The following PTPRD variants were observed in gnomAD, a reference collection of about 807,000 sequenced individuals.
PTPRD encodes receptor-type tyrosine-protein phosphatase delta.
PTPRD carries 34 observed loss-of-function variants against 214.5 expected under a neutral mutation model. The observed-to-expected ratio is 0.16, with a 90% CI of 0.12 to 0.21. The LOEUF (loss-of-function observed/expected upper bound fraction) is 0.21. Among genes scored for constraint, PTPRD ranks in the 10% least tolerant of loss-of-function variants. The pLI is 1.00. For missense variants in PTPRD, 2,545 were observed against 2,398.7 expected (o/e 1.06, Z -1.27); for synonymous variants, 1,128 against 845.7 (o/e 1.33, Z -5.79).
At chr9:9,828,484 C>T (rs1427984936) in intron 5 of PTPRD, among the ~76,000 whole-genome samples, 7 of 152,016 alleles carry the variant, frequency 4.6e-5, no homozygotes, top group Admixed American at 3.9e-4. Flanking sequence ...GGGAACATCA[C>T]ACACCGGGGT....
intron 11 of PTPRD, among the ~76,000 whole-genome samples, chr9:8,781,776 G>A (rs1324401116): frequency 1.3e-5 from 2 of 152,144 alleles, no homozygotes; most frequent in South Asian, 2.1e-4. Context: ...ATATTACAAT[G>A]AGTACGTTTT....
chr9:9,221,595 G>C (rs193242319), intron 9 of PTPRD, among the ~76,000 whole-genome samples: 1 of 152,096 alleles, frequency 6.6e-6, no homozygotes, highest in African/African-American at 2.4e-5. Context: ...CAGAGACAGA[G>C]AGTGACCTCT....
intron 8 of PTPRD, among the ~76,000 whole-genome samples, chr9:9,493,155 A>G (rs1244028211): frequency 1.3e-5 from 2 of 151,944 alleles, no homozygotes; most frequent in East Asian, 3.9e-4. Flanking sequence ...AGAGCTATAG[A>G]AGCCAATTTC....
intron 4 of PTPRD, among the ~76,000 whole-genome samples, chr9:10,000,704 A>G (rs1007671509): frequency 6.6e-6 from 1 of 152,220 alleles, no homozygotes; most frequent in Non-Finnish European, 1.5e-5. Flanking sequence ...GGCGGTTTGG[A>G]AAGCCAGGCT....
chr9:10,097,214 A>G (rs1276567264), intron 3 of PTPRD, among the ~76,000 whole-genome samples: 1 of 148,958 alleles, frequency 6.7e-6, no homozygotes, highest in Non-Finnish European at 1.5e-5. Flanking sequence ...TTGACTTGGT[A>G]ATGCGGGCTC....
At chr9:10,155,631 A>T (rs911519446) in intron 3 of PTPRD, among the ~76,000 whole-genome samples, 2 of 152,200 alleles carry the variant, frequency 1.3e-5, no homozygotes, top group Admixed American at 1.3e-4. Context: ...TCAATACTAC[A>T]TGTTTGAGAG....
At chr9:9,941,122 G>C (rs1227763872) in intron 4 of PTPRD, among the ~76,000 whole-genome samples, 2 of 152,242 alleles carry the variant, frequency 1.3e-5, no homozygotes, top group African/African-American at 4.8e-5. Flanking sequence ...GAAAATTTGT[G>C]AATTTGTGTT....
chr9:8,927,695 T>C (rs573784370), intron 11 of PTPRD, among the ~76,000 whole-genome samples: 1 of 152,348 alleles, frequency 6.6e-6, no homozygotes, highest in East Asian at 1.9e-4. Context: ...TATAGCAGAA[T>C]GATTTATAAT....
intron 9 of PTPRD, among the ~76,000 whole-genome samples, chr9:9,198,790 T>A (rs190522153): frequency 6.6e-6 from 1 of 152,322 alleles, no homozygotes; most frequent in East Asian, 1.9e-4. Flanking sequence ...AATATCTGAT[T>A]TATCCCTGAG....
intron 8 of PTPRD, among the ~76,000 whole-genome samples, chr9:9,523,153 A>T (rs539953078): frequency 6.7e-4 from 102 of 152,206 alleles, no homozygotes; most frequent in Admixed American, 1.5e-3. Context: ...TATAATTTTT[A>T]AAAAAATGCT....
intron 3 of PTPRD, among the ~76,000 whole-genome samples, chr9:10,108,329 G>C (rs2098655729): frequency 6.6e-6 from 1 of 152,010 alleles, no homozygotes; most frequent in African/African-American, 2.4e-5. Context: ...AGAACACTTT[G>C]AAATCTACTC....
chr9:9,740,856 G>C (rs2098390437), intron 6 of PTPRD, among the ~76,000 whole-genome samples: 1 of 152,136 alleles, frequency 6.6e-6, no homozygotes, highest in Non-Finnish European at 1.5e-5. Context: ...CGAATGCTTT[G>C]ACTGGAGTGA....
intron 11 of PTPRD, among the ~76,000 whole-genome samples, chr9:8,777,163 G>C (rs557709150): frequency 1.1e-3 from 168 of 151,682 alleles, no homozygotes; most frequent in African/African-American, 3.9e-3. Context: ...TTGTTTTTTA[G>C]AGATGGGGGT....
At chr9:8,798,900 G>A (rs1422210527) in intron 11 of PTPRD, among the ~76,000 whole-genome samples, 2 of 152,074 alleles carry the variant, frequency 1.3e-5, no homozygotes, top group African/African-American at 4.8e-5. Flanking sequence ...GTGCCTATGA[G>A]ATGTCATAAT....
At chr9:9,841,310 C>T (rs1252954048) in intron 5 of PTPRD, among the ~76,000 whole-genome samples, 2 of 152,084 alleles carry the variant, frequency 1.3e-5, no homozygotes, top group Non-Finnish European at 2.9e-5. Flanking sequence ...TGATGAATCA[C>T]TGAGTCTTGC....
chr9:9,113,313 A>T (rs1187977886), intron 10 of PTPRD, among the ~76,000 whole-genome samples: 1 of 152,006 alleles, frequency 6.6e-6, no homozygotes, highest in Non-Finnish European at 1.5e-5. Context: ...TATTGCATCC[A>T]TCTTTCCATC....
chr9:9,640,602 C>G (rs760657748), intron 7 of PTPRD, among the ~76,000 whole-genome samples: 5 of 152,006 alleles, frequency 3.3e-5, no homozygotes, highest in Non-Finnish European at 7.4e-5. Context: ...AGAAGGTAAG[C>G]CTGTAAGTAT....
rs577163541 is a variant in PTPRD at position 8,670,448 on chromosome 9, C to A, written c.65-33604G>T. On this transcript the variant is annotated intron_variant, in intron 12 of 45. Coordinates refer to ENST00000381196, the MANE Select transcript of PTPRD (RefSeq NM_002839.4). Reference sequence around the variant, plus strand: ...ATTATAGTCTACATGTAAGTGAGATCATGCAATATTTTGCTTTCTGTGTCT... The same window carrying A: ...ATTATAGTCTACATGTAAGTGAGATAATGCAATATTTTGCTTTCTGTGTCT... Among the ~76,000 whole-genome samples, 6 of 152,218 alleles carry A rather than the reference C, an allele frequency of 3.9e-5. No individual in the cohort carries two copies. The East Asian group carries it at 1.2e-3, about 29-fold the overall frequency.
chr9:10,573,444 G>T (rs954822775), intron 2 of PTPRD, among the ~76,000 whole-genome samples: 1 of 152,142 alleles, frequency 6.6e-6, no homozygotes, highest in African/African-American at 2.4e-5. Context: ...GTGCACACAG[G>T]TCCAGTCATT....
Sources: allele counts gnomAD v4.1 joint callset (sites outside exome capture counted in the v4.1 genomes callset), GRCh38; gene constraint gnomAD v4.1.1; transcripts MANE v1.5; gene names NCBI Gene and HGNC (gene_info 2026-07-23, HGNC 2026-07-21).